Variants in FOXP2 observed in about 807,000 individuals in gnomAD.
The protein encoded by FOXP2 is forkhead box protein P2.
FOXP2 carries 12 observed loss-of-function variants against 115.8 expected under a neutral mutation model. The ratio of observed to expected loss-of-function variants is 0.10; its 90% CI spans 0.07 to 0.17. The LOEUF is 0.17. Ranked by LOEUF, FOXP2 falls within the 10% of genes least tolerant of loss-of-function variation. The pLI is 1.00. For missense variants in FOXP2, 629 were observed against 843.5 expected (o/e 0.75, Z 3.15); for synonymous variants, 328 against 297.7 (o/e 1.10, Z -1.05).
At chr7:114,099,625 A>G (rs952006041) in intron 1 of FOXP2, among the ~76,000 whole-genome samples, 1 of 152,188 alleles carries the variant, frequency 6.6e-6, no homozygotes, top group Non-Finnish European at 1.5e-5. Context: ...AGTGTTCATC[A>G]ACAGATGAAT....
At chr7:114,195,999 T>A (rs1793893814) in intron 1 of FOXP2, among the ~76,000 whole-genome samples, 1 of 152,076 alleles carries the variant, frequency 6.6e-6, no homozygotes, top group South Asian at 2.1e-4. Flanking sequence ...TTTTGTATTT[T>A]AAAAAATTAA....
At chr7:114,482,668 G>T (rs756542425) in intron 2 of FOXP2, among the ~76,000 whole-genome samples, 1 of 151,396 alleles carries the variant, frequency 6.6e-6, no homozygotes, top group Non-Finnish European at 1.5e-5. Context: ...AACACATGTA[G>T]ATATAAATAT....
At chr7:114,171,371 A>C (rs1793135072) in intron 1 of FOXP2, among the ~76,000 whole-genome samples, 1 of 152,148 alleles carries the variant, frequency 6.6e-6, no homozygotes, top group Admixed American at 6.6e-5. Flanking sequence ...CCAGGAGTTC[A>C]AAACCAGCCT....
Position 114,690,993 on chromosome 7 carries a change from C to A in FOXP2, c.*1067C>A. 1 of 454,352 alleles carries A rather than the reference C, an allele frequency of 2.2e-6. No individual in the cohort carries two copies. The highest frequency in any genetic ancestry group is 1.6e-5 in the South Asian group (1 of 64,474). 28.1% of individuals were successfully genotyped at this position (454,352 alleles called of 1,614,324 possible). A position where few individuals can be genotyped will look rare whatever the true frequency, so the allele number is the denominator to read the frequency against. ...CTGAGGCCAAAAGTCCATCTAAATG[C>A]AATGAAGATTTGCTTTCATTAAAGA... On this transcript the variant is annotated 3_prime_UTR_variant, in exon 17 of 17. Transcript: ENST00000350908.
chr7:114,208,002 T>G (rs1794243671), intron 1 of FOXP2, among the ~76,000 whole-genome samples: 1 of 152,164 alleles, frequency 6.6e-6, no homozygotes, highest in South Asian at 2.1e-4. Context: ...CACACAGAGT[T>G]CCTACTTGGT....
chr7:114,323,463 A>T (rs1318278402), intron 2 of FOXP2, among the ~76,000 whole-genome samples: 3 of 152,008 alleles, frequency 2.0e-5, no homozygotes, highest in Non-Finnish European at 4.4e-5. Context: ...GCATTAATAG[A>T]TTTATGTATG....
At chr7:114,664,708 T>G (rs976937458) in intron 16 of FOXP2, 3 of 457,822 alleles carry the variant, frequency 6.6e-6, no homozygotes, top group African/African-American at 5.9e-5. Flanking sequence ...AAGCAGTGTC[T>G]AAGATGAATC....
At chr7:114,646,078 A>AAAAAG (rs1805867152) in intron 8 of FOXP2, among the ~76,000 whole-genome samples, 1 of 151,306 alleles carries the variant, frequency 6.6e-6, no homozygotes, top group Non-Finnish European at 1.5e-5. Flanking sequence ...AAAAAAAAAA[A>AAAAAG]AAAATTGTTA....
intron 3 of FOXP2, among the ~76,000 whole-genome samples, chr7:114,617,364 T>C (rs777826999): frequency 6.6e-6 from 1 of 152,282 alleles, no homozygotes. Context: ...TTCCTCTCTA[T>C]CCCATTCAAG....
rs1805651226 is a variant in FOXP2, at chr7:114,642,862, G to A, written c.989+239G>A. ...CTTGCTCTGTCACCCATGCTGGAGT[G>A]CAGTGGCACAATCTTGGCTCACTGC... is the stretch of plus-strand genomic sequence containing the variant. On this transcript the variant is annotated intron_variant, in intron 7 of 16. Coordinates refer to ENST00000350908, the MANE Select transcript of FOXP2 (RefSeq NM_014491.4). Among the ~76,000 whole-genome samples, 5 of 132,654 alleles carry A rather than the reference G, an allele frequency of 3.8e-5. No individual in the cohort carries two copies. The Admixed American group carries it at 4.4e-4, about 12-fold the overall frequency. The allele number at this position is 132,654 out of a possible 152,430, so 87.0% of individuals were successfully genotyped here. A position where few individuals can be genotyped will look rare whatever the true frequency, so the allele number is the denominator to read the frequency against.
At chr7:114,599,555 C>G (rs143629414) in intron 3 of FOXP2, among the ~76,000 whole-genome samples, 1 of 152,102 alleles carries the variant, frequency 6.6e-6, no homozygotes, top group Admixed American at 6.6e-5. Flanking sequence ...GGTAAGGAAT[C>G]TCTAGGAACT....
chr7:114,290,799 A>G (rs1367583577), intron 2 of FOXP2, among the ~76,000 whole-genome samples: 3 of 152,148 alleles, frequency 2.0e-5, no homozygotes, highest in Non-Finnish European at 2.9e-5. Context: ...TGAACAAATC[A>G]CCAAGGCTCT....
At chr7:114,203,834 T>C (rs907414282) in intron 1 of FOXP2, among the ~76,000 whole-genome samples, 2 of 152,208 alleles carry the variant, frequency 1.3e-5, no homozygotes, top group African/African-American at 4.8e-5. Flanking sequence ...TTCTTTATTT[T>C]GCTTCATTTC....
chr7:114,115,304 G>C (rs1300144001), intron 1 of FOXP2, among the ~76,000 whole-genome samples: 1 of 152,092 alleles, frequency 6.6e-6, no homozygotes, highest in Non-Finnish European at 1.5e-5. Context: ...CATGGAACCT[G>C]CCTCTCCAGA....
At chr7:114,172,892 G>A (rs1028166617) in intron 1 of FOXP2, among the ~76,000 whole-genome samples, 7 of 151,990 alleles carry the variant, frequency 4.6e-5, no homozygotes, top group African/African-American at 1.4e-4. Flanking sequence ...ACAATATTTC[G>A]TGATGTTACA....
intron 16 of FOXP2, chr7:114,667,384 A>G (rs138432947): frequency 3.3e-5 from 5 of 152,364 alleles, no homozygotes; most frequent in African/African-American, 1.2e-4. Context: ...AGCTATGATC[A>G]TGGCATGGAA....
At chr7:114,262,686 G>T (rs1795787314) in intron 1 of FOXP2, among the ~76,000 whole-genome samples, 3 of 152,066 alleles carry the variant, frequency 2.0e-5, no homozygotes, top group African/African-American at 7.2e-5. Context: ...ATCACATTTG[G>T]CTAGAACCTA....
chr7:114,231,848 A>G (rs1004426158), intron 1 of FOXP2, among the ~76,000 whole-genome samples: 1 of 152,186 alleles, frequency 6.6e-6, no homozygotes, highest in East Asian at 1.9e-4. Context: ...ACTGGCAACA[A>G]AAGCACACAT....
At chr7:114,620,014 CTG>C (rs1804158346) in intron 3 of FOXP2, among the ~76,000 whole-genome samples, 1 of 151,966 alleles carries the variant, frequency 6.6e-6, no homozygotes, top group South Asian at 2.1e-4. Flanking sequence ...TTGGAGAAAA[CTG>C]TCTCTGATAC....
Sources: allele counts gnomAD v4.1 joint callset (sites outside exome capture counted in the v4.1 genomes callset), GRCh38; gene constraint gnomAD v4.1.1; transcripts MANE v1.5; gene names NCBI Gene and HGNC (gene_info 2026-07-23, HGNC 2026-07-21).